The following DAB1 variants were observed in gnomAD, a reference collection of about 807,000 sequenced individuals.
The protein encoded by DAB1 is disabled homolog 1.
In DAB1, 15 loss-of-function variants were observed where a neutral mutation model predicts 64.6. The ratio of observed to expected loss-of-function variants is 0.23; its 90% confidence interval spans 0.16 to 0.36. The LOEUF is 0.36. Among genes scored for constraint, DAB1 ranks in the 10% least tolerant of loss-of-function variants. DAB1 has a pLI of 1.00. For missense variants in DAB1, 596 were observed against 706.7 expected (o/e 0.84, Z 1.78); for synonymous variants, 235 against 251.9 (o/e 0.93, Z 0.64).
intron 5 of DAB1, among the ~76,000 whole-genome samples, chr1:58,049,886 G>C (rs1647522603): frequency 6.6e-6 from 1 of 151,120 alleles, no homozygotes; most frequent in Admixed American, 6.6e-5. Flanking sequence ...GGGGCTTTTA[G>C]CCTGGTAGGG....
chr1:57,652,687 C>T (rs1646270867), intron 6 of DAB1, among the ~76,000 whole-genome samples: 1 of 152,118 alleles, frequency 6.6e-6, no homozygotes, highest in South Asian at 2.1e-4. Context: ...CTTAATGTAG[C>T]TAAAGATTTG....
chr1:58,365,947 T>C (rs553129964), intron 3 of DAB1, among the ~76,000 whole-genome samples: 1 of 152,212 alleles, frequency 6.6e-6, no homozygotes, highest in African/African-American at 2.4e-5. Context: ...GCCAGATCAC[T>C]CACTGTCTAG....
intron 2 of DAB1, among the ~76,000 whole-genome samples, chr1:57,276,054 TATG>T (rs1414763241): frequency 6.6e-6 from 1 of 152,250 alleles, no homozygotes; most frequent in Non-Finnish European, 1.5e-5. Flanking sequence ...GCAAAAAGTT[TATG>T]ATATGAGAAT....
intron 1 of DAB1, among the ~76,000 whole-genome samples, chr1:57,314,471 C>T (rs1675013132): frequency 6.6e-6 from 1 of 152,160 alleles, no homozygotes; most frequent in African/African-American, 2.4e-5. Flanking sequence ...CTTCACACTC[C>T]AAGCCCTAGT....
chr1:57,350,046 T>C (rs1678453090), intron 1 of DAB1, among the ~76,000 whole-genome samples: 1 of 152,204 alleles, frequency 6.6e-6, no homozygotes, highest in Non-Finnish European at 1.5e-5. Context: ...AATGGCCACA[T>C]TGCCAATAGC....
chr1:57,462,720 C>T (rs916761630), intron 7 of DAB1, among the ~76,000 whole-genome samples: 1 of 152,066 alleles, frequency 6.6e-6, no homozygotes, highest in African/African-American at 2.4e-5. Context: ...AGTGATGGTG[C>T]TAAGATTTGA....
intron 7 of DAB1, among the ~76,000 whole-genome samples, chr1:57,472,811 T>C (rs1687188848): frequency 6.6e-6 from 1 of 152,202 alleles, no homozygotes; most frequent in Non-Finnish European, 1.5e-5. Flanking sequence ...CAGCTCGTCC[T>C]GCTACAAAAC....
upstream of DAB1, among the ~76,000 whole-genome samples, chr1:57,889,018 C>T (rs933273263): frequency 3.9e-5 from 6 of 152,106 alleles, no homozygotes; most frequent in Admixed American, 3.9e-4. Context: ...GTTGGCAGTG[C>T]CTGAGCTCAG....
chr1:57,871,372 A>G (rs1643945992), intron 1 of DAB1, among the ~76,000 whole-genome samples: 1 of 152,198 alleles, frequency 6.6e-6, no homozygotes, highest in South Asian at 2.1e-4. Context: ...CATATGAGAT[A>G]AATGTTATTA....
chr1:58,225,522 T>C (rs1211379035), intron 4 of DAB1, among the ~76,000 whole-genome samples: 1 of 151,960 alleles, frequency 6.6e-6, no homozygotes, highest in East Asian at 1.9e-4. Flanking sequence ...CGTATGTTTA[T>C]TGCGGCACTA....
At chr1:58,308,044 A>G (rs1662345717) in intron 4 of DAB1, among the ~76,000 whole-genome samples, 1 of 152,170 alleles carries the variant, frequency 6.6e-6, no homozygotes, top group Non-Finnish European at 1.5e-5. Flanking sequence ...GAGACTCTAG[A>G]AAAATTCAGC....
At chr1:58,510,570 A>C (rs1471623324) in intron 2 of DAB1, among the ~76,000 whole-genome samples, 1 of 152,202 alleles carries the variant, frequency 6.6e-6, no homozygotes, top group African/African-American at 2.4e-5. Context: ...GAACAAGGCA[A>C]GAATGACCAA....
At chr1:57,530,825 G>T (rs1413389970) in intron 7 of DAB1, among the ~76,000 whole-genome samples, 2 of 152,084 alleles carry the variant, frequency 1.3e-5, no homozygotes, top group African/African-American at 4.8e-5. Context: ...ATACAGGAAG[G>T]CATTAAAAAG....
intron 2 of DAB1, among the ~76,000 whole-genome samples, chr1:57,151,650 A>G (rs959251017): frequency 4.6e-5 from 7 of 152,088 alleles, no homozygotes; most frequent in African/African-American, 1.2e-4. Context: ...CAAAGTTTCA[A>G]TTTGGGGTTT....
chr1:58,225,526 G>A (rs533362211), intron 4 of DAB1, among the ~76,000 whole-genome samples: 29 of 151,752 alleles, frequency 1.9e-4, no homozygotes, highest in African/African-American at 4.4e-4. Flanking sequence ...TGTTTATTGC[G>A]GCACTATTCA....
intron 6 of DAB1, among the ~76,000 whole-genome samples, chr1:57,719,438 T>C (rs1006656947): frequency 6.6e-5 from 10 of 152,154 alleles, no homozygotes; most frequent in African/African-American, 2.2e-4. Context: ...TCCTAACAAG[T>C]TCCTCAGTGA....
intron 7 of DAB1, among the ~76,000 whole-genome samples, chr1:57,471,470 G>C (rs766859892): frequency 3.3e-5 from 5 of 152,198 alleles, no homozygotes; most frequent in Non-Finnish European, 7.3e-5. Context: ...CACTGATATG[G>C]TTTGGCTGTG....
intron 11 of DAB1, among the ~76,000 whole-genome samples, chr1:57,020,949 C>T (rs990428152): frequency 1.3e-5 from 2 of 152,146 alleles, no homozygotes; most frequent in Non-Finnish European, 1.5e-5. Flanking sequence ...CCAGTCCATC[C>T]GTTGTATCAC....
intron 6 of DAB1, among the ~76,000 whole-genome samples, chr1:57,697,351 G>A (rs1045671454): frequency 3.2e-5 from 4 of 125,206 alleles, no homozygotes; most frequent in Non-Finnish European, 3.2e-5. Context: ...TAGCAGAATC[G>A]AAAATAAAAA....
Sources: allele counts gnomAD v4.1 joint callset (sites outside exome capture counted in the v4.1 genomes callset), GRCh38; gene constraint gnomAD v4.1.1; transcripts MANE v1.5; gene names NCBI Gene and HGNC (gene_info 2026-07-23, HGNC 2026-07-21).